PRPF19: variants seen among roughly 807,000 people sequenced by gnomAD.
PRPF19 encodes the protein pre-mRNA processing factor 19.
Under a neutral mutation model 64.2 loss-of-function variants are expected in PRPF19, and 2 were observed. The observed-to-expected ratio is 0.03, with a 90% CI of 0.01 to 0.10. PRPF19 has a LOEUF of 0.10. Ranked by LOEUF, PRPF19 falls within the 10% of genes least tolerant of loss-of-function variation. The probability of loss-of-function intolerance (pLI) is 1.00; values close to 1 mark genes in which losing one functional copy is unlikely to be tolerated. For missense variants in PRPF19, 314 were observed against 650.0 expected, an observed-to-expected ratio of 0.48 and a Z score of 5.62; for synonymous variants, 226 against 251.6, an observed-to-expected ratio of 0.90 and a Z score of 0.96.
At position 60,891,085 on chromosome 11, in the gene PRPF19, A is replaced by AC; in HGVS notation, c.*80_*81insG. On this transcript the variant is annotated 3_prime_UTR_variant, in exon 16 of 16. Coordinates refer to ENST00000227524, the MANE Select transcript of PRPF19 (RefSeq NM_014502.5). ...CCCACAGAGCCCCCTCCCCCCATAG[A>AC]TTCCCCCCACCCCCCCCCCCAAACC... 1 of 95,454 alleles carries AC rather than the reference A, an allele frequency of 1.0e-5. No homozygotes were observed. The highest frequency in any genetic ancestry group is 2.1e-5 in the Non-Finnish European group (1 of 48,588). 5.9% of individuals were successfully genotyped at this position (95,454 alleles called of 1,614,324 possible).
At chr11:60,895,842 T>C (rs1855913689) in intron 15 of PRPF19, among the ~76,000 whole-genome samples, 1 of 151,908 alleles carries the variant, frequency 6.6e-6, no homozygotes, top group South Asian at 2.1e-4. Context: ...GGGAGAGAGA[T>C]GGGGAACGGC....
intron 1 of PRPF19, among the ~76,000 whole-genome samples, chr11:60,904,979 C>T (rs973327393): frequency 2.6e-5 from 4 of 152,200 alleles, no homozygotes; most frequent in African/African-American, 9.7e-5. Context: ...TACCAGTCAA[C>T]TGATTAGCGT....
Position 60,898,019 on chromosome 11 carries a change from C to G in PRPF19, c.1312-68G>C. ...AAACTATGGGGCAGTTGCGGATAAG[C>G]AGAAGCAATTAGATTAATTCAATAA... On this transcript the variant is annotated intron_variant, in intron 14 of 15. Transcript: ENST00000227524. This position sits in a 1 kb window ranked among gnomAD's most constrained non-coding sequence, Gnocchi z 4.6. The G allele has an allele frequency of 6.2e-7, 1 of 1,608,052 alleles. No individual in the cohort carries two copies.
In PRPF19 at chr11:60,898,945, AAG is replaced by A. The variant is rs760026761; in HGVS notation, c.985-16_985-15del. 3.9e-4 allele frequency: 623 copies of A among 1,584,400 alleles called. 1 individual carries two copies. The highest frequency in any genetic ancestry group is 4.8e-4 in the Non-Finnish European group (562 of 1,163,618). The stretch of plus-strand genomic sequence containing the variant: ...GAAAGCCCAGTACTGGGGAAAAAAA[AAG>A]AGACAATGGAGTCAGTGAGAAAGTG... On this transcript the variant is annotated splice_polypyrimidine_tract_variant and intron_variant, in intron 11 of 15. Transcript: ENST00000227524. This position sits in a 1 kb window ranked among gnomAD's most constrained non-coding sequence, Gnocchi z 4.6.
At position 60,898,772 on chromosome 11, in the gene PRPF19, T is replaced by C; in HGVS notation, c.1054+90A>G. 1 of 1,508,650 alleles carries C rather than the reference T, an allele frequency of 6.6e-7. No homozygotes were observed. The highest frequency in any genetic ancestry group is 8.9e-7 in the Non-Finnish European group (1 of 1,120,592). 93.5% of individuals were successfully genotyped at this position (1,508,650 alleles called of 1,614,324 possible). A position where few individuals can be genotyped will look rare whatever the true frequency, so the allele number is the denominator to read the frequency against. On this transcript the variant is annotated intron_variant, in intron 12 of 15. Transcript: ENST00000227524. The surrounding 1 kb of genome is among the most constrained non-coding windows in gnomAD (Gnocchi z 4.6). ...GACAGGTGCTCATGGTAAATATATC[T>C]TTAGAACAAATAAACAAATGACTAA...
At chr11:60,895,046 C>T (rs1167595011) in intron 15 of PRPF19, among the ~76,000 whole-genome samples, 1 of 152,216 alleles carries the variant, frequency 6.6e-6, no homozygotes, top group African/African-American at 2.4e-5. Flanking sequence ...CTTAAGGGCC[C>T]TACAATTTTC....
intron 2 of PRPF19, 82 bp from the exon 3 acceptor site, chr11:60,903,617 A>G: frequency 6.3e-7 from 1 of 1,589,826 alleles, no homozygotes; most frequent in East Asian, 2.2e-5. Flanking sequence ...AGCCATAAAC[A>G]GCCCACCATC....
At chr11:60,905,560 G>A (rs1298780487) in intron 1 of PRPF19, 1 of 152,176 alleles carries the variant, frequency 6.6e-6, no homozygotes, top group Non-Finnish European at 1.5e-5. Context: ...AATATCAAAG[G>A]GAAAGATAGT....
chr11:60,897,694 G>T (rs1483488569), intron 15 of PRPF19, 152 bp downstream of exon 15: 3 of 631,606 alleles, frequency 4.7e-6, no homozygotes, highest in Middle Eastern at 4.3e-4. Flanking sequence ...GTCTGACTCA[G>T]TTGCTTCCTT....
chr11:60,902,101 G>T lies in PRPF19; in HGVS notation c.525+302C>A, dbSNP rs1442585818. On this transcript the variant is annotated intron_variant, in intron 6 of 15. Coordinates refer to ENST00000227524, the MANE Select transcript of PRPF19 (RefSeq NM_014502.5). This position sits in a 1 kb window ranked among gnomAD's most constrained non-coding sequence, Gnocchi z 5.0. ...ATCTCAATAACAATAAGAGCTAAAA[G>T]GTGCACTTATCAGTAATGAAATCTT... 6.6e-6 allele frequency among the ~76,000 whole-genome samples: 1 copy of T among 152,118 alleles called. No individual in the cohort carries two copies. Among genetic ancestry groups the T allele is most frequent in the Non-Finnish European group, 1.5e-5 (1 of 68,014 alleles).
chr11:60,905,736 T>C (rs1856038008), intron 1 of PRPF19, among the ~76,000 whole-genome samples: 1 of 152,218 alleles, frequency 6.6e-6, no homozygotes, highest in Non-Finnish European at 1.5e-5. Flanking sequence ...CTTTAGGGAA[T>C]TCTTGTGAGG....
rs1298346495 is a variant in PRPF19, at chr11:60,906,318, C to T, written c.19+46G>A. 3.8e-6 allele frequency: 6 copies of T among 1,579,520 alleles called. No individual in the cohort carries two copies. The Admixed American group carries it at 7.0e-5, about 19-fold the overall frequency. On this transcript the variant is annotated intron_variant, in intron 1 of 15. Coordinates refer to ENST00000227524, the MANE Select transcript of PRPF19 (RefSeq NM_014502.5). ...GCGGACCGCACACGCTCCCGCGCCG[C>T]TCTCTGGCCTCCTGAGACCCGCGCT... is the stretch of plus-strand genomic sequence containing the variant.
rs1855852687 is a variant in PRPF19, at chr11:60,891,087, T to TCCCCCCCCCCCCCCCCCCCCCCCC, written c.*78_*79insGGGGGGGGGGGGGGGGGGGGGGGG. 1.5e-5 allele frequency: 1 copy of TCCCCCCCCCCCCCCCCCCCCCCCC among 67,204 alleles called. No homozygotes were observed. The highest frequency in any genetic ancestry group is 3.0e-5 in the Non-Finnish European group (1 of 33,840). The allele number at this position is 67,204 out of a possible 1,614,324, so 4.2% of individuals were successfully genotyped here. A position where few individuals can be genotyped will look rare whatever the true frequency, so the allele number is the denominator to read the frequency against. On this transcript the variant is annotated 3_prime_UTR_variant, in exon 16 of 16. Transcript: ENST00000227524. ...CACAGAGCCCCCTCCCCCCATAGATTCCCCCCACCCCCCCCCCCAAACCCT... is the reference window on the plus strand; with the variant it reads ...CACAGAGCCCCCTCCCCCCATAGATTCCCCCCCCCCCCCCCCCCCCCCCCCCCCCCACCCCCCCCCCCAAACCCT...
intron 1 of PRPF19, 30 bp downstream of exon 1, chr11:60,906,334 G>C: frequency 1.3e-6 from 2 of 1,594,930 alleles, no homozygotes; most frequent in Non-Finnish European, 8.5e-7. Flanking sequence ...GGCCTCCTGA[G>C]ACCCGCGCTT....
intron 15 of PRPF19, among the ~76,000 whole-genome samples, chr11:60,895,490 G>A (rs1855909830): frequency 6.6e-6 from 1 of 152,212 alleles, no homozygotes; most frequent in Non-Finnish European, 1.5e-5. Flanking sequence ...TGTTGTGGCT[G>A]GTTTGATATT....
chr11:60,904,502 C>A (rs1231580115), intron 1 of PRPF19, among the ~76,000 whole-genome samples: 1 of 152,192 alleles, frequency 6.6e-6, no homozygotes, highest in South Asian at 2.1e-4. Context: ...AATCGCAAGC[C>A]CCAGGTTGTT....
rs77664855 is a variant in PRPF19, at chr11:60,901,254, G to A, written c.642+41C>T. ...GGCCCGCCCACCCCAGAAACAAAAC[G>A]GGAGGGCTGTCTCCAAGACAGTGGA... On this transcript the variant is annotated intron_variant, in intron 8 of 15. Transcript: ENST00000227524. 6.6e-5 allele frequency: 106 copies of A among 1,606,376 alleles called. 1 individual carries two copies. In the African/African-American group the frequency reaches 7.0e-4, roughly 11 times the overall value.
intron 15 of PRPF19, among the ~76,000 whole-genome samples, chr11:60,892,222 C>A (rs1001858018): frequency 1.3e-5 from 2 of 152,240 alleles, no homozygotes; most frequent in Non-Finnish European, 2.9e-5. Context: ...TACCCATTCT[C>A]TCAGCATCTC....
intron 10 of PRPF19, 74 bp from the exon 11 acceptor site, chr11:60,899,378 C>T (rs1855957566): frequency 6.8e-7 from 1 of 1,460,160 alleles, no homozygotes; most frequent in African/African-American, 1.4e-5. Flanking sequence ...TAAAACGGGG[C>T]TGGGGATGCC....
Sources: allele counts gnomAD v4.1 joint callset (sites outside exome capture counted in the v4.1 genomes callset), GRCh38; gene constraint gnomAD v4.1.1; non-coding constraint Gnocchi (gnomAD v3.1); transcripts MANE v1.5; gene names NCBI Gene and HGNC (gene_info 2026-07-23, HGNC 2026-07-21).